Variants in MFSD1 observed in about 807,000 individuals in gnomAD.
The protein encoded by MFSD1 is lysosomal dipeptide transporter MFSD1.
MFSD1 carries 59 observed loss-of-function variants against 67.1 expected under a neutral mutation model. The ratio of observed to expected loss-of-function variants is 0.88; its 90% CI spans 0.71 to 1.09. The LOEUF (loss-of-function observed/expected upper bound fraction) is 1.09, where lower values mean the gene tolerates loss of function less well. Among genes scored for constraint, MFSD1 ranks in the 50% least tolerant of loss-of-function variants. MFSD1 has a pLI of 0.00. For synonymous variants in MFSD1, 213 were observed against 200.3 expected (o/e 1.06, Z -0.54); for missense variants, 552 against 566.1 (o/e 0.97, Z 0.25).
chr3:158,816,011 C>A (rs556970933), intron 7 of MFSD1, among the ~76,000 whole-genome samples: 2 of 152,080 alleles, frequency 1.3e-5, no homozygotes, highest in African/African-American at 4.8e-5. Context: ...GCATCGTATT[C>A]CATGGTGTAT....
intron 13 of MFSD1, among the ~76,000 whole-genome samples, chr3:158,825,714 A>G (rs1172964902): frequency 2.6e-5 from 4 of 152,124 alleles, no homozygotes; most frequent in Admixed American, 1.3e-4. Flanking sequence ...ACCAGCACTG[A>G]GAAAGGGAGA....
intron 6 of MFSD1, among the ~76,000 whole-genome samples, chr3:158,813,179 GCT>G (rs1480656589): frequency 1.5e-5 from 2 of 134,390 alleles, no homozygotes; most frequent in East Asian, 2.1e-4. Flanking sequence ...ACGGAGTCTT[GCT>G]CTGTCACCCA....
chr3:158,824,034 T>C (rs868455696), intron 12 of MFSD1, 90 bp from the exon 13 acceptor site: 16 of 893,302 alleles, frequency 1.8e-5, no homozygotes, highest in Middle Eastern at 2.3e-4. Context: ...TAGTATATGG[T>C]TCACAGATAC....
intron 1 of MFSD1, among the ~76,000 whole-genome samples, chr3:158,803,722 A>G (rs1729573222): frequency 6.6e-6 from 1 of 152,216 alleles, no homozygotes; most frequent in South Asian, 2.1e-4. Flanking sequence ...GTGCATGGTC[A>G]GATCTCTCCC....
intron 11 of MFSD1, 137 bp from the exon 12 acceptor site, chr3:158,823,291 A>C (rs1730769796): frequency 1.5e-6 from 1 of 664,918 alleles, no homozygotes; most frequent in Non-Finnish European, 2.7e-6. Context: ...TTGAATACGA[A>C]TTTTAGCCTA....
chr3:158,816,338 T>C (rs968473318), intron 7 of MFSD1, among the ~76,000 whole-genome samples: 8 of 152,196 alleles, frequency 5.3e-5, no homozygotes, highest in African/African-American at 1.9e-4. Context: ...TTTTTAATGA[T>C]CGCCATTGTA....
In MFSD1 at chr3:158,812,424, C is replaced by T. The variant is rs571462447; in HGVS notation, c.550-1541C>T. On this transcript the variant is annotated intron_variant, in intron 6 of 15. Coordinates refer to ENST00000415822, the MANE Select transcript of MFSD1 (RefSeq NM_022736.4). ...CGTTGGCTGAAACTGAGGTGGCTGC[C>T]TGCGATCTGGCTCATTTCACCTCCT... 1.7e-4 allele frequency among the ~76,000 whole-genome samples: 26 copies of T among 152,238 alleles called. No homozygotes were observed. In the East Asian group the frequency reaches 3.7e-3, roughly 21 times the overall value.
At chr3:158,823,582 T>C in intron 12 of MFSD1, 57 bp downstream of exon 12, 1 of 1,244,912 alleles carries the variant, frequency 8.0e-7, no homozygotes, top group Non-Finnish European at 1.2e-6. Flanking sequence ...AATTTAATTA[T>C]CATATAAAAC....
At chr3:158,828,027 G>A (rs1350671158) in intron 15 of MFSD1, among the ~76,000 whole-genome samples, 4 of 150,340 alleles carry the variant, frequency 2.7e-5, no homozygotes, top group Non-Finnish European at 5.9e-5. Context: ...AAAGGCCTTC[G>A]TCCTGAGGTC....
intron 7 of MFSD1, among the ~76,000 whole-genome samples, chr3:158,814,604 A>G (rs1389516185): frequency 1.3e-5 from 2 of 151,406 alleles, no homozygotes; most frequent in East Asian, 4.0e-4. Flanking sequence ...TACAGGCGTG[A>G]GCCACCGCAC....
intron 3 of MFSD1, 100 bp downstream of exon 3, chr3:158,805,574 A>G (rs373961717): frequency 1.4e-5 from 13 of 909,300 alleles, no homozygotes; most frequent in African/African-American, 1.3e-4. Context: ...AAACTTCTGT[A>G]TTAACTAATA....
chr3:158,818,443 C>T (rs1300994315), intron 7 of MFSD1, among the ~76,000 whole-genome samples: 1 of 152,056 alleles, frequency 6.6e-6, no homozygotes, highest in African/African-American at 2.4e-5. Flanking sequence ...CAATAGAACA[C>T]CAGAATTTAC....
intron 3 of MFSD1, among the ~76,000 whole-genome samples, chr3:158,806,044 T>C (rs1436057516): frequency 6.6e-6 from 1 of 152,182 alleles, no homozygotes; most frequent in Non-Finnish European, 1.5e-5. Context: ...TTCATCCTTA[T>C]TATTGTGTGT....
At chr3:158,805,566 A>G in intron 3 of MFSD1, 92 bp downstream of exon 3, 1 of 955,544 alleles carries the variant, frequency 1.0e-6, no homozygotes, top group Non-Finnish European at 1.7e-6. Context: ...AGCTGAATAA[A>G]CTTCTGTATT....
At chr3:158,817,734 A>T (rs533510575) in intron 7 of MFSD1, among the ~76,000 whole-genome samples, 1 of 152,324 alleles carries the variant, frequency 6.6e-6, no homozygotes, top group Admixed American at 6.5e-5. Flanking sequence ...TTCTTCACAG[A>T]ATTGGAAAAA....
intron 7 of MFSD1, among the ~76,000 whole-genome samples, chr3:158,815,951 G>T (rs953052208): frequency 6.6e-6 from 1 of 151,842 alleles, no homozygotes; most frequent in South Asian, 2.1e-4. Context: ...ATGATTTCCA[G>T]TTTCATCCAT....
chr3:158,820,449 A>G, intron 9 of MFSD1, 123 bp downstream of exon 9: 1 of 641,054 alleles, frequency 1.6e-6, no homozygotes, highest in Non-Finnish European at 2.7e-6. Flanking sequence ...TTTCACAGGA[A>G]TTACTTTAGA....
intron 7 of MFSD1, among the ~76,000 whole-genome samples, chr3:158,818,436 T>C (rs1730492193): frequency 6.6e-6 from 1 of 152,144 alleles, no homozygotes; most frequent in African/African-American, 2.4e-5. Context: ...TGCTGTGCAA[T>C]AGAACACCAG....
intron 9 of MFSD1, 35 bp downstream of exon 9, chr3:158,820,361 T>C: frequency 7.2e-7 from 1 of 1,388,490 alleles, no homozygotes; most frequent in South Asian, 1.2e-5. Flanking sequence ...ATTTCTTGTC[T>C]AAATTATCAT....
Sources: allele counts gnomAD v4.1 joint callset (sites outside exome capture counted in the v4.1 genomes callset), GRCh38; gene constraint gnomAD v4.1.1; transcripts MANE v1.5; gene names NCBI Gene and HGNC (gene_info 2026-07-23, HGNC 2026-07-21).